SEMA6A: variants seen among roughly 807,000 people sequenced by gnomAD.
SEMA6A encodes the protein semaphorin-6A.
In SEMA6A, 25 loss-of-function variants were observed where a neutral mutation model predicts 96.8. The ratio of observed to expected loss-of-function variants is 0.26; its 90% CI spans 0.19 to 0.36. The LOEUF is 0.36. Among genes scored for constraint, SEMA6A ranks in the 10% least tolerant of loss-of-function variants. The pLI, the probability that SEMA6A is intolerant of heterozygous loss-of-function variation, is 1.00. For synonymous variants in SEMA6A, 612 were observed against 518.0 expected, an observed-to-expected ratio of 1.18 and a Z score of -2.46; for missense variants, 1,363 against 1,323.1, an observed-to-expected ratio of 1.03 and a Z score of -0.47.
intron 1 of SEMA6A, among the ~76,000 whole-genome samples, chr5:116,521,341 C>T (rs1381579058): frequency 6.6e-6 from 1 of 152,194 alleles, no homozygotes; most frequent in Non-Finnish European, 1.5e-5. Flanking sequence ...TGTCTCAAAG[C>T]CCTTCCCAGT....
At chr5:116,476,705 A>G (rs770804312) in intron 15 of SEMA6A, among the ~76,000 whole-genome samples, 5 of 152,250 alleles carry the variant, frequency 3.3e-5, no homozygotes, top group Non-Finnish European at 7.3e-5. Flanking sequence ...TGTTGAACAT[A>G]GAAAGGACAT....
intron 1 of SEMA6A, among the ~76,000 whole-genome samples, chr5:116,555,874 A>G (rs1760586807): frequency 6.6e-6 from 1 of 152,144 alleles, no homozygotes; most frequent in Non-Finnish European, 1.5e-5. Flanking sequence ...ATTGACAGAG[A>G]TCTTTGGGCC....
intron 1 of SEMA6A, among the ~76,000 whole-genome samples, chr5:116,541,168 G>T (rs1292802493): frequency 6.6e-6 from 1 of 152,118 alleles, no homozygotes; most frequent in Non-Finnish European, 1.5e-5. Flanking sequence ...CACAACAGTT[G>T]AATCACATGC....
chr5:116,555,371 C>G (rs1179445247), intron 1 of SEMA6A, among the ~76,000 whole-genome samples: 4 of 152,166 alleles, frequency 2.6e-5, no homozygotes, highest in African/African-American at 9.7e-5. Flanking sequence ...CCAATCTATC[C>G]ACTTTGCTGT....
At chr5:116,463,866 G>A (rs1755564908) in intron 18 of SEMA6A, among the ~76,000 whole-genome samples, 1 of 152,206 alleles carries the variant, frequency 6.6e-6, no homozygotes, top group African/African-American at 2.4e-5. Context: ...TGTCCTCATA[G>A]CAGTGGTCAG....
At chr5:116,486,505 C>T (rs1757055510) in intron 10 of SEMA6A, 2 of 435,576 alleles carry the variant, frequency 4.6e-6, no homozygotes, top group African/African-American at 2.0e-5. Flanking sequence ...TGTTTATATA[C>T]CAGGCTTATA....
chr5:116,543,996 A>T (rs1184763824), intron 1 of SEMA6A, among the ~76,000 whole-genome samples: 2 of 152,184 alleles, frequency 1.3e-5, no homozygotes, highest in Non-Finnish European at 2.9e-5. Context: ...CTGTGGCATT[A>T]CTAATACAGA....
chr5:116,517,595 T>C (rs992117147), intron 1 of SEMA6A, among the ~76,000 whole-genome samples: 2 of 152,230 alleles, frequency 1.3e-5, no homozygotes, highest in Non-Finnish European at 2.9e-5. Flanking sequence ...TCTGGGCTTA[T>C]AATGACAGTT....
intron 1 of SEMA6A, among the ~76,000 whole-genome samples, chr5:116,560,425 A>G (rs1760776487): frequency 6.6e-6 from 1 of 151,858 alleles, no homozygotes; most frequent in Non-Finnish European, 1.5e-5. Context: ...AGTAGGTGCT[A>G]AATAAATTAT....
rs543151914 is a variant in SEMA6A at position 116,507,474 on chromosome 5, A to G, written c.-38-2492T>C. Among the ~76,000 whole-genome samples the G allele has an allele frequency of 1.5e-4, 23 of 152,318 alleles. 1 individual carries two copies. The South Asian group carries it at 4.6e-3, about 30-fold the overall frequency. On this transcript the variant is annotated intron_variant, in intron 1 of 18. Transcript: ENST00000343348. ...GTCTCAGGATTCCTAAGATGACGCA[A>G]TACAGACTTGCACCAGCCCAGGAGA...
chr5:116,565,258 C>T (rs953370849), intron 1 of SEMA6A, among the ~76,000 whole-genome samples: 3 of 152,326 alleles, frequency 2.0e-5, no homozygotes, highest in East Asian at 1.9e-4. Flanking sequence ...TAATCCAACA[C>T]TGAATTATAC....
At chr5:116,565,542 G>C (rs965841990) in intron 1 of SEMA6A, among the ~76,000 whole-genome samples, 6 of 152,166 alleles carry the variant, frequency 3.9e-5, no homozygotes, top group Non-Finnish European at 7.4e-5. Context: ...CAACTCCACT[G>C]CCATTCTGCC....
intron 1 of SEMA6A, chr5:116,562,721 C>T (rs1206238177): frequency 6.8e-6 from 5 of 733,156 alleles, no homozygotes; most frequent in Admixed American, 3.5e-5. Context: ...AACCCTCTGC[C>T]GTGTGACTGG....
chr5:116,475,749 T>G, intron 15 of SEMA6A, 146 bp from the exon 16 acceptor site: 1 of 554,366 alleles, frequency 1.8e-6, no homozygotes, highest in South Asian at 2.8e-5. Context: ...AGCTTTAAAA[T>G]TTATCTCTGA....
At chr5:116,510,462 G>T (rs1322083950) in intron 1 of SEMA6A, among the ~76,000 whole-genome samples, 1 of 152,146 alleles carries the variant, frequency 6.6e-6, no homozygotes, top group Non-Finnish European at 1.5e-5. Context: ...CCCCTTACTA[G>T]CTGGGACCTC....
At chr5:116,478,955 TGTGTGTG>T (rs1756614463) in intron 12 of SEMA6A, among the ~76,000 whole-genome samples, 2 of 151,928 alleles carry the variant, frequency 1.3e-5, no homozygotes, top group African/African-American at 2.4e-5. Context: ...TGTGTGTGTG[TGTGTGTG>T]TTTGCAGGCC....
In SEMA6A at chr5:116,450,135, C is replaced by A. The variant is rs375285184; in HGVS notation, c.1895-2324G>T. 5.9e-5 allele frequency among the ~76,000 whole-genome samples: 9 copies of A among 152,304 alleles called. 1 individual carries two copies. Among genetic ancestry groups the A allele is most frequent in the African/African-American group, 1.9e-4 (8 of 41,562 alleles). On this transcript the variant is annotated intron_variant, in intron 18 of 18. Transcript: ENST00000343348. ...TTCTACCGAACACCGTTTTTAACCC[C>A]CTACATATAATTGCACAAAAATGTA...
At chr5:116,554,538 G>A (rs909941053) in intron 1 of SEMA6A, among the ~76,000 whole-genome samples, 18 of 152,118 alleles carry the variant, frequency 1.2e-4, no homozygotes, top group African/African-American at 4.3e-4. Flanking sequence ...AAGATAATAC[G>A]TAACAATTTG....
Position 116,534,203 on chromosome 5 carries a change from C to T in SEMA6A, c.-38-29221G>A, listed in dbSNP as rs577792601. Reference sequence around the variant, plus strand: ...TCTACTGGATCCTATGGCTTTATCTCAGCAAGCCTTATTGATTCTTCCTAA... The same window carrying T: ...TCTACTGGATCCTATGGCTTTATCTTAGCAAGCCTTATTGATTCTTCCTAA... On this transcript the variant is annotated intron_variant, in intron 1 of 18. Transcript: ENST00000343348. 2.0e-5 allele frequency among the ~76,000 whole-genome samples: 3 copies of T among 152,362 alleles called. No individual in the cohort carries two copies. In the South Asian group the frequency reaches 6.2e-4, roughly 32 times the overall value.
Sources: allele counts gnomAD v4.1 joint callset (sites outside exome capture counted in the v4.1 genomes callset), GRCh38; gene constraint gnomAD v4.1.1; transcripts MANE v1.5; gene names NCBI Gene and HGNC (gene_info 2026-07-23, HGNC 2026-07-21).